Variants in PRIMA1 observed in about 807,000 individuals in gnomAD.
PRIMA1 encodes proline rich membrane anchor 1.
Under a neutral mutation model 17.5 loss-of-function variants are expected in PRIMA1, and 7 were observed. That is an observed-to-expected ratio of 0.40 (90% CI 0.23 to 0.75). PRIMA1 has a LOEUF of 0.75. Among genes scored for constraint, PRIMA1 ranks in the 30% least tolerant of loss-of-function variants. The pLI, the probability that PRIMA1 is intolerant of heterozygous loss-of-function variation, is 0.37. For synonymous variants in PRIMA1, 97 were observed against 77.9 expected (o/e 1.25, Z -1.29); for missense variants, 200 against 201.8 (o/e 0.99, Z 0.05).
Position 93,726,168 on chromosome 14 carries a change from CT to C in PRIMA1, c.360-4623del, listed in dbSNP as rs1316640212. Among the ~76,000 whole-genome samples, 2 of 152,152 alleles carry C rather than the reference CT, an allele frequency of 1.3e-5. No individual in the cohort carries two copies. Among genetic ancestry groups the C allele is most frequent in the African/African-American group, 4.8e-5 (2 of 41,436 alleles). ...CCTGCTCGGAGTGCCGCGCGGACAG[CT>C]CCAGCCGCACATGCCAGCAGCCACG... On this transcript the variant is annotated intron_variant, in intron 4 of 4. Coordinates refer to ENST00000393140, the MANE Select transcript of PRIMA1 (RefSeq NM_178013.4). This position sits in a 1 kb window ranked among gnomAD's most constrained non-coding sequence, Gnocchi z 4.2.
At chr14:93,784,807 A>G (rs553157353) in intron 2 of PRIMA1, among the ~76,000 whole-genome samples, 181 of 152,254 alleles carry the variant, frequency 1.2e-3, no homozygotes, top group Non-Finnish European at 2.1e-3. Flanking sequence ...TCTCTTGATG[A>G]TAATTACTTG....
chr14:93,758,121 C>T (rs1315230429), intron 3 of PRIMA1, among the ~76,000 whole-genome samples: 2 of 152,232 alleles, frequency 1.3e-5, no homozygotes, highest in East Asian at 1.9e-4. Flanking sequence ...CGCTTCCTTA[C>T]AGCTTCCTCC....
At chr14:93,782,183 G>C (rs12147935) in intron 2 of PRIMA1, among the ~76,000 whole-genome samples, 16,476 of 152,136 alleles carry the variant, frequency 0.11, 1,094 homozygotes, top group Admixed American at 0.21. Flanking sequence ...CAGGAGAATG[G>C]CGTGAACACG....
chr14:93,744,021 G>C (rs1464284184), intron 3 of PRIMA1, among the ~76,000 whole-genome samples: 1 of 152,240 alleles, frequency 6.6e-6, no homozygotes, highest in African/African-American at 2.4e-5. Flanking sequence ...GGGGGCCGGA[G>C]CTTTGCTAAA....
chr14:93,725,265 C>A (rs1001434040), intron 4 of PRIMA1, among the ~76,000 whole-genome samples: 1 of 150,536 alleles, frequency 6.6e-6, no homozygotes, highest in Admixed American at 6.6e-5. Context: ...CGGGAGCCCG[C>A]GCGTGGTGAT....
At chr14:93,768,285 G>T (rs991315001) in intron 3 of PRIMA1, among the ~76,000 whole-genome samples, 21 of 152,288 alleles carry the variant, frequency 1.4e-4, no homozygotes, top group African/African-American at 4.8e-4. Context: ...CGTGTTGGCA[G>T]CAGGGGGCCA....
In PRIMA1 at chr14:93,721,231, C is replaced by T. The variant is rs1017345216; in HGVS notation, c.*213G>A. On this transcript the variant is annotated 3_prime_UTR_variant, in exon 5 of 5. Coordinates refer to ENST00000393140, the MANE Select transcript of PRIMA1 (RefSeq NM_178013.4). ...GGGTGGGGACACTGCCCAGGTGCTG[C>T]GCCGGGCTCAGCCTGGTGTCCGAGC... 4.5e-5 allele frequency: 25 copies of T among 550,414 alleles called. No individual in the cohort carries two copies. Among genetic ancestry groups the T allele is most frequent in the Admixed American group, 3.0e-4 (9 of 29,614 alleles). The allele number at this position is 550,414 out of a possible 1,614,324, so 34.1% of individuals were successfully genotyped here.
intron 3 of PRIMA1, among the ~76,000 whole-genome samples, chr14:93,765,722 T>C (rs1006770561): frequency 6.6e-6 from 1 of 152,064 alleles, no homozygotes; most frequent in Non-Finnish European, 1.5e-5. Context: ...TATCCTTGCT[T>C]CAAATTATGT....
intron 3 of PRIMA1, among the ~76,000 whole-genome samples, chr14:93,777,108 G>A (rs1595224352): frequency 6.6e-6 from 1 of 152,340 alleles, no homozygotes; most frequent in South Asian, 2.1e-4. Flanking sequence ...ATGCGTGAAT[G>A]TAGATCATTG....
intron 3 of PRIMA1, among the ~76,000 whole-genome samples, chr14:93,764,934 C>T (rs545998698): frequency 2.0e-5 from 3 of 152,274 alleles, no homozygotes; most frequent in Admixed American, 6.5e-5. Context: ...CATATATGCC[C>T]TGGCTCCTGC....
chr14:93,759,937 T>C (rs2076316692), intron 3 of PRIMA1, among the ~76,000 whole-genome samples: 1 of 152,204 alleles, frequency 6.6e-6, no homozygotes, highest in Admixed American at 6.5e-5. Flanking sequence ...ACTTGAACCT[T>C]TACTGGGCTC....
At chr14:93,759,459 G>A (rs373723388) in intron 3 of PRIMA1, among the ~76,000 whole-genome samples, 3 of 152,254 alleles carry the variant, frequency 2.0e-5, no homozygotes, top group Admixed American at 6.5e-5. Flanking sequence ...AGGGCGGGGC[G>A]GGGGGCAGTC....
At chr14:93,765,042 T>G (rs927851774) in intron 3 of PRIMA1, among the ~76,000 whole-genome samples, 6 of 152,102 alleles carry the variant, frequency 3.9e-5, no homozygotes, top group African/African-American at 1.4e-4. Context: ...CTTTACTGGC[T>G]ACTGTCCCTT....
In PRIMA1 at chr14:93,755,978, T is replaced by C. The variant is rs540546320; in HGVS notation, c.230-18608A>G. 6.1e-4 allele frequency among the ~76,000 whole-genome samples: 93 copies of C among 152,344 alleles called. 1 individual carries two copies. Among genetic ancestry groups the C allele is most frequent in the African/African-American group, 2.2e-3 (92 of 41,576 alleles). ...CCGAAGCTCTTCTCCCACACGCAGC[T>C]GCCTCTTCTCTCCTTCTCTCCCTCC... On this transcript the variant is annotated intron_variant, in intron 3 of 4. Coordinates refer to ENST00000393140, the MANE Select transcript of PRIMA1 (RefSeq NM_178013.4).
chr14:93,727,315 C>CTT (rs2076084751), intron 4 of PRIMA1, among the ~76,000 whole-genome samples: 1 of 152,222 alleles, frequency 6.6e-6, no homozygotes, highest in Admixed American at 6.5e-5. Flanking sequence ...AGGCGTGACT[C>CTT]TCTCTCCCCT....
rs1345325332 is a variant in PRIMA1, at chr14:93,759,486, T to C, written c.229+19690A>G. Among the ~76,000 whole-genome samples the C allele has an allele frequency of 2.6e-5, 4 of 151,996 alleles. No individual in the cohort carries two copies. In the East Asian group the frequency reaches 7.8e-4, roughly 30 times the overall value. ...GGGGCAGTCCATGCATATATGTGTG[T>C]GCGCGTGCATGTGTGCGTGTGCATG... On this transcript the variant is annotated intron_variant, in intron 3 of 4. Transcript: ENST00000393140.
intron 4 of PRIMA1, among the ~76,000 whole-genome samples, chr14:93,729,740 A>G (rs1279993250): frequency 2.6e-5 from 4 of 152,238 alleles, no homozygotes; most frequent in Non-Finnish European, 5.9e-5. Context: ...AAGAGGAGGT[A>G]GATGGCGGAG....
chr14:93,774,863 T>G (rs1885167028), intron 3 of PRIMA1, among the ~76,000 whole-genome samples: 1 of 152,298 alleles, frequency 6.6e-6, no homozygotes, highest in South Asian at 2.1e-4. Flanking sequence ...CTCAACCCCA[T>G]GGGGTGGGTG....
At chr14:93,764,849 C>T (rs1302608931) in intron 3 of PRIMA1, among the ~76,000 whole-genome samples, 4 of 152,126 alleles carry the variant, frequency 2.6e-5, no homozygotes, top group Non-Finnish European at 4.4e-5. Flanking sequence ...GCCTTCCAGC[C>T]ACATATATCT....
Sources: allele counts gnomAD v4.1 joint callset (sites outside exome capture counted in the v4.1 genomes callset), GRCh38; gene constraint gnomAD v4.1.1; non-coding constraint Gnocchi (gnomAD v3.1); transcripts MANE v1.5; gene names NCBI Gene and HGNC (gene_info 2026-07-23, HGNC 2026-07-21).